The following TENM3 variants were observed in gnomAD, a reference collection of about 807,000 sequenced individuals.
TENM3 encodes the protein teneurin transmembrane protein 3, also known as teneurin-3.
Under a neutral mutation model 255.1 loss-of-function variants are expected in TENM3, and 63 were observed. The ratio of observed to expected loss-of-function variants is 0.25; its 90% CI spans 0.20 to 0.30. TENM3 has a LOEUF of 0.30. TENM3 is among the 10% of genes least tolerant of loss of function. The pLI, the probability that TENM3 is intolerant of heterozygous loss-of-function variation, is 1.00. For missense variants in TENM3, 2,929 were observed against 3,461.1 expected, an observed-to-expected ratio of 0.85 and a Z score of 3.86; for synonymous variants, 1,306 against 1,322.3, an observed-to-expected ratio of 0.99 and a Z score of 0.27.
At chr4:181,567,372 A>G in the TENM3 span, among the ~76,000 whole-genome samples, 830 of 152,300 alleles carry the variant, frequency 5.4e-3, 4 homozygotes, top group Middle Eastern at 0.01. Flanking sequence ...TAGAAACTTT[A>G]TCTTGACTTA....
At chr4:181,837,231 G>A in the TENM3 span, among the ~76,000 whole-genome samples, 2 of 151,910 alleles carry the variant, frequency 1.3e-5, no homozygotes. Flanking sequence ...TGTCTTAGCA[G>A]ACTGTCTATG....
chr4:181,492,234 G>C, the TENM3 span, among the ~76,000 whole-genome samples: 2 of 152,072 alleles, frequency 1.3e-5, no homozygotes, highest in Non-Finnish European at 2.9e-5. Flanking sequence ...TCTTTTTCAG[G>C]TGTGATAAAA....
At chr4:182,488,286 A>T (rs765516433) in intron 3 of TENM3, among the ~76,000 whole-genome samples, 3 of 152,138 alleles carry the variant, frequency 2.0e-5, no homozygotes, top group East Asian at 1.9e-4. Context: ...AAATCGAAAG[A>T]GGGTTCTAAA....
chr4:182,530,163 A>T (rs570949903), intron 3 of TENM3, among the ~76,000 whole-genome samples: 1 of 152,242 alleles, frequency 6.6e-6, no homozygotes, highest in East Asian at 1.9e-4. Context: ...TTGTTTATAA[A>T]TTTTTTTGGA....
the TENM3 span, among the ~76,000 whole-genome samples, chr4:181,696,471 G>A: frequency 1.3e-5 from 2 of 152,116 alleles, no homozygotes; most frequent in Non-Finnish European, 2.9e-5. Context: ...ATCAATAAAC[G>A]TATTAACATG....
the TENM3 span, among the ~76,000 whole-genome samples, chr4:181,516,087 C>T: frequency 2.0e-5 from 3 of 152,126 alleles, no homozygotes; most frequent in Non-Finnish European, 2.9e-5. Context: ...CCATTATCCT[C>T]AGCAAACTAA....
the TENM3 span, among the ~76,000 whole-genome samples, chr4:181,809,065 A>G: frequency 2.0e-5 from 3 of 152,244 alleles, no homozygotes; most frequent in Non-Finnish European, 2.9e-5. Context: ...TGTGGCTGAT[A>G]AAAACATCTT....
chr4:181,622,572 AG>A, the TENM3 span, among the ~76,000 whole-genome samples: 2 of 152,130 alleles, frequency 1.3e-5, no homozygotes, highest in Non-Finnish European at 2.9e-5. Flanking sequence ...GCTACTCGGG[AG>A]GTTGAGGCAG....
At chr4:182,405,556 T>C (rs189940782) in intron 3 of TENM3, among the ~76,000 whole-genome samples, 1 of 152,332 alleles carries the variant, frequency 6.6e-6, no homozygotes, top group East Asian at 1.9e-4. Context: ...GAAGTGGCAC[T>C]TATCCATCCG....
chr4:181,772,194 A>G, the TENM3 span, among the ~76,000 whole-genome samples: 2 of 152,044 alleles, frequency 1.3e-5, no homozygotes, highest in African/African-American at 4.8e-5. Context: ...CTTGGCCAAC[A>G]TGGTGAAACA....
rs558771636 is a variant in TENM3, at chr4:182,679,575, G to C, written c.1327-91G>C. 1.5e-5 allele frequency: 15 copies of C among 1,024,578 alleles called. No individual in the cohort carries two copies. In the South Asian group the frequency reaches 2.3e-4, roughly 16 times the overall value. 63.5% of individuals were successfully genotyped at this position (1,024,578 alleles called of 1,614,324 possible). ...CTTCTTTCTAACATTGTATTTGTTA[G>C]AGCAAAGGAAGACAGATTGAAGAGA... On this transcript the variant is annotated intron_variant, in intron 7 of 27. Transcript: ENST00000511685.
chr4:182,409,047 T>C (rs1017816448), intron 3 of TENM3, among the ~76,000 whole-genome samples: 5 of 152,224 alleles, frequency 3.3e-5, no homozygotes, highest in African/African-American at 4.8e-5. Flanking sequence ...CCATCCATGC[T>C]GTGGCACTCT....
the TENM3 span, among the ~76,000 whole-genome samples, chr4:181,869,632 C>T: frequency 2.6e-5 from 4 of 151,944 alleles, no homozygotes; most frequent in African/African-American, 7.3e-5. Context: ...TAGGTACCCA[C>T]AAAAATTAAA....
At chr4:181,860,460 T>C in the TENM3 span, among the ~76,000 whole-genome samples, 1 of 152,218 alleles carries the variant, frequency 6.6e-6, no homozygotes, top group Non-Finnish European at 1.5e-5. Context: ...CTTTAGACTT[T>C]GATAATGAGA....
intron 3 of TENM3, among the ~76,000 whole-genome samples, chr4:182,524,630 G>A (rs1221751124): frequency 6.6e-6 from 1 of 151,242 alleles, no homozygotes; most frequent in African/African-American, 2.4e-5. Context: ...CAAAGTACTG[G>A]GATTACAGAC....
At chr4:182,772,291 CACTCCTGTGTG>C (rs1764306145) in intron 22 of TENM3, among the ~76,000 whole-genome samples, 1 of 152,188 alleles carries the variant, frequency 6.6e-6, no homozygotes, top group Admixed American at 6.5e-5. Flanking sequence ...TTTTACTCCT[CACTCCTGTGTG>C]GCCCCGTGTT....
the TENM3 span, among the ~76,000 whole-genome samples, chr4:181,883,124 A>ATTTTTTTTTT: frequency 2.1e-5 from 1 of 48,504 alleles, no homozygotes; most frequent in African/African-American, 7.7e-5. Context: ...TTTGCAATTA[A>ATTTTTTTTTT]TCTTTTTTTT....
the TENM3 span, among the ~76,000 whole-genome samples, chr4:181,650,175 C>A: frequency 6.6e-6 from 1 of 152,118 alleles, no homozygotes; most frequent in Admixed American, 6.5e-5. Flanking sequence ...TCTTAAATTC[C>A]CAGGATACTG....
At chr4:181,942,168 G>A in the TENM3 span, among the ~76,000 whole-genome samples, 1 of 151,734 alleles carries the variant, frequency 6.6e-6, no homozygotes, top group South Asian at 2.1e-4. Context: ...CACCAATTTG[G>A]TATTACCCAA....
Sources: allele counts gnomAD v4.1 joint callset (sites outside exome capture counted in the v4.1 genomes callset), GRCh38; gene constraint gnomAD v4.1.1; transcripts MANE v1.5; gene names NCBI Gene and HGNC (gene_info 2026-07-23, HGNC 2026-07-21).